The following PGM5 variants were observed in gnomAD, a reference collection of about 807,000 sequenced individuals.
PGM5 encodes the protein phosphoglucomutase-like protein 5.
A neutral mutation model predicts 59.2 loss-of-function variants in PGM5; 23 were observed. The observed-to-expected ratio is 0.39, with a 90% confidence interval of 0.28 to 0.55. PGM5 has a LOEUF of 0.55. Among genes scored for constraint, PGM5 ranks in the 20% least tolerant of loss-of-function variants. PGM5 has a pLI of 0.66. For missense variants in PGM5, 574 were observed against 748.3 expected (o/e 0.77, Z 2.72); for synonymous variants, 214 against 286.0 (o/e 0.75, Z 2.54).
chr9:68,467,255 C>G (rs978127657), intron 7 of PGM5, among the ~76,000 whole-genome samples: 3 of 152,170 alleles, frequency 2.0e-5, no homozygotes, highest in Non-Finnish European at 2.9e-5. Context: ...AAGGCCTATA[C>G]TAGGCCTTTA....
intron 1 of PGM5, among the ~76,000 whole-genome samples, chr9:68,369,047 A>G (rs1173568733): frequency 1.3e-5 from 2 of 152,276 alleles, no homozygotes; most frequent in South Asian, 2.1e-4. Context: ...ACATTGGTCA[A>G]TAATGGTACA....
chr9:68,522,306 G>A (rs1467325015), intron 10 of PGM5, among the ~76,000 whole-genome samples: 1 of 152,182 alleles, frequency 6.6e-6, no homozygotes, highest in Non-Finnish European at 1.5e-5. Context: ...GCAAGCTCCG[G>A]ATGGTGGGGC....
intron 6 of PGM5, among the ~76,000 whole-genome samples, chr9:68,393,349 T>C (rs1482861380): frequency 6.6e-6 from 1 of 150,562 alleles, no homozygotes; most frequent in Non-Finnish European, 1.5e-5. Flanking sequence ...ACATAATATA[T>C]ATACATATAT....
intron 10 of PGM5, among the ~76,000 whole-genome samples, chr9:68,525,407 T>C (rs1824956466): frequency 1.3e-5 from 2 of 152,220 alleles, no homozygotes; most frequent in East Asian, 1.9e-4. Flanking sequence ...ATGCACGGCG[T>C]AGTGATATCT....
chr9:68,435,310 A>T (rs1328493469), intron 6 of PGM5, among the ~76,000 whole-genome samples: 1 of 152,212 alleles, frequency 6.6e-6, no homozygotes, highest in African/African-American at 2.4e-5. Context: ...AAAATATACA[A>T]TTTAATAGTT....
intron 8 of PGM5, among the ~76,000 whole-genome samples, 165 bp from the exon 9 acceptor site, chr9:68,483,700 T>G (rs77674122): frequency 2.6e-5 from 4 of 152,178 alleles, no homozygotes; most frequent in African/African-American, 9.7e-5. Flanking sequence ...GGCCGCTGTA[T>G]GGGGAATGGA....
chr9:68,441,732 C>G (rs1319251651), intron 6 of PGM5, among the ~76,000 whole-genome samples: 4 of 152,006 alleles, frequency 2.6e-5, no homozygotes, highest in South Asian at 2.1e-4. Flanking sequence ...TTCAATATTG[C>G]ACTAGCAGAC....
At chr9:68,417,647 A>G (rs1361175121) in intron 6 of PGM5, among the ~76,000 whole-genome samples, 1 of 152,174 alleles carries the variant, frequency 6.6e-6, no homozygotes, top group Non-Finnish European at 1.5e-5. Flanking sequence ...GCAGGAAGAG[A>G]CAAGAAAGCA....
At chr9:68,523,948 T>A (rs1312547627) in intron 10 of PGM5, among the ~76,000 whole-genome samples, 1 of 152,156 alleles carries the variant, frequency 6.6e-6, no homozygotes, top group Non-Finnish European at 1.5e-5. Context: ...ATCCTTCCTG[T>A]CTATTGCTTG....
At chr9:68,420,475 T>C (rs533933969) in intron 6 of PGM5, among the ~76,000 whole-genome samples, 1 of 152,318 alleles carries the variant, frequency 6.6e-6, no homozygotes, top group East Asian at 1.9e-4. Context: ...GTATTTAGCA[T>C]GCTGTATTTT....
intron 6 of PGM5, among the ~76,000 whole-genome samples, chr9:68,408,578 A>G (rs547545044): frequency 6.6e-6 from 1 of 152,260 alleles, no homozygotes; most frequent in African/African-American, 2.4e-5. Flanking sequence ...CTTTAGTTGA[A>G]TTAGATCCCA....
intron 2 of PGM5, among the ~76,000 whole-genome samples, chr9:68,379,245 C>T (rs1822003597): frequency 7.3e-5 from 11 of 151,658 alleles, no homozygotes; most frequent in African/African-American, 2.7e-4. Flanking sequence ...CATGCATTTG[C>T]TTGGCAAGTC....
intron 1 of PGM5, among the ~76,000 whole-genome samples, chr9:68,367,500 A>G (rs1361857572): frequency 3.9e-5 from 6 of 152,218 alleles, no homozygotes; most frequent in African/African-American, 1.4e-4. Context: ...ACGGTGCTTT[A>G]AAGTACTTTG....
At chr9:68,443,954 G>A (rs983528820) in intron 6 of PGM5, among the ~76,000 whole-genome samples, 3 of 152,112 alleles carry the variant, frequency 2.0e-5, no homozygotes, top group Non-Finnish European at 1.5e-5. Flanking sequence ...TGACAAGGAG[G>A]GCAATCTGTC....
Position 68,483,879 on chromosome 9 carries a change from G to A in PGM5, c.1310G>A (p.Gly437Glu). ...RHYYCRFDYE[G>E]LDPKTTYYIM... Reference sequence around the variant, plus strand: ...GTCCTCACCAGGTTTGACTATGAGGGGTTGGATCCCAAGACGACATATTAT... The same window carrying A: ...GTCCTCACCAGGTTTGACTATGAGGAGTTGGATCCCAAGACGACATATTAT... The change falls in exon 9 of 11, where the codon GGG becomes GAG. Residue 437 changes from glycine (G) to glutamate (E), a missense_variant. Gly to Glu is a moderately conservative substitution (Grantham distance 98). Around this residue, in one of 7 missense-constraint regions of PGM5, gnomAD observed 300 missense variants for 280.0 expected, o/e 1.07. Transcript: ENST00000396396. 1 of 1,614,054 alleles carries A rather than the reference G, an allele frequency of 6.2e-7. No individual in the cohort carries two copies. The highest frequency in any genetic ancestry group is 8.5e-7 in the Non-Finnish European group (1 of 1,179,976).
intron 9 of PGM5, among the ~76,000 whole-genome samples, chr9:68,491,814 C>T (rs1554687894): frequency 6.6e-6 from 1 of 152,094 alleles, no homozygotes. Context: ...TCACCCTGGG[C>T]AACACAGCGA....
intron 1 of PGM5, among the ~76,000 whole-genome samples, chr9:68,377,734 G>A (rs1360430206): frequency 1.3e-5 from 2 of 152,278 alleles, no homozygotes; most frequent in Non-Finnish European, 2.9e-5. Context: ...TATGCCCACA[G>A]GTGATGAGGT....
intron 6 of PGM5, among the ~76,000 whole-genome samples, chr9:68,449,128 G>T (rs1823657362): frequency 6.6e-6 from 1 of 152,230 alleles, no homozygotes; most frequent in Non-Finnish European, 1.5e-5. Flanking sequence ...GCTCTCTGGA[G>T]TCTCTAATGT....
At chr9:68,444,428 G>C (rs961107117) in intron 6 of PGM5, among the ~76,000 whole-genome samples, 5 of 152,184 alleles carry the variant, frequency 3.3e-5, no homozygotes, top group African/African-American at 9.7e-5. Flanking sequence ...TACTTAAAAG[G>C]AATGCAATGG....
Sources: allele counts gnomAD v4.1 joint callset (sites outside exome capture counted in the v4.1 genomes callset), GRCh38; gene constraint gnomAD v4.1.1; regional missense constraint gnomAD v4.1.1; transcripts MANE v1.5; gene names NCBI Gene and HGNC (gene_info 2026-07-23, HGNC 2026-07-21).